ERBB2: variants seen among roughly 807,000 people sequenced by gnomAD.
The protein encoded by ERBB2 is receptor tyrosine-protein kinase erbB-2.
ERBB2 carries 61 observed loss-of-function variants against 149.0 expected under a neutral mutation model. That is an observed-to-expected ratio of 0.41 (90% CI 0.33 to 0.51). The LOEUF (loss-of-function observed/expected upper bound fraction) is 0.51. ERBB2 is among the 20% of genes least tolerant of loss of function. The pLI, the probability that ERBB2 is intolerant of heterozygous loss-of-function variation, is 0.25. For missense variants in ERBB2, 1,205 were observed against 1,655.1 expected (o/e 0.73, Z 4.72); for synonymous variants, 633 against 678.8 (o/e 0.93, Z 1.05).
chr17:39,702,259 A>G (rs2058154285), intron 1 of ERBB2, among the ~76,000 whole-genome samples: 1 of 152,178 alleles, frequency 6.6e-6, no homozygotes, highest in South Asian at 2.1e-4. Context: ...TGTGATTGCA[A>G]ATGCTCTCCA....
At chr17:39,688,211 G>C (rs1333619783) in exon 1 of ERBB2, 1 of 438,292 alleles carries the variant, frequency 2.3e-6, no homozygotes, top group Non-Finnish European at 3.8e-6. Context: ...AGGCGATAGG[G>C]TTAAGGGAAG....
At chr17:39,716,066 C>T in intron 12 of ERBB2, 127 bp downstream of exon 12, 1 of 1,118,862 alleles carries the variant, frequency 8.9e-7, no homozygotes, top group East Asian at 2.6e-5. Context: ...CTTGACTCAG[C>T]ACAGCTCTGG....
intron 15 of ERBB2, 108 bp downstream of exon 15, chr17:39,717,588 C>A: frequency 1.1e-6 from 1 of 905,996 alleles, no homozygotes; most frequent in Non-Finnish European, 1.6e-6. Flanking sequence ...TATCTTGTTT[C>A]TGATGACAAA....
chr17:39,708,093 A>C, intron 2 of ERBB2: 1 of 480,320 alleles, frequency 2.1e-6, no homozygotes, highest in South Asian at 3.7e-5. Context: ...ACCTGTTCGG[A>C]GTTTATGAAA....
rs2058593663 is a variant in ERBB2 at position 39,708,443 on chromosome 17, G to A, written c.348G>A (p.Val116=). 6.2e-7 allele frequency: 1 copy of A among 1,614,236 alleles called. No homozygotes were observed. The highest frequency in any genetic ancestry group is 8.5e-7 in the Non-Finnish European group (1 of 1,180,030). Residue 116 remains valine, a synonymous_variant, in exon 3 of 27, where the codon GTG becomes GTA. Coordinates refer to ENST00000269571, the MANE Select transcript of ERBB2 (RefSeq NM_004448.4). ...QLFEDNYALA[V]LDNGDPLNNT... Reference sequence around the variant, plus strand: ...TTGAGGACAACTATGCCCTGGCCGTGCTAGACAATGGAGACCCGCTGAACA... The same window carrying A: ...TTGAGGACAACTATGCCCTGGCCGTACTAGACAATGGAGACCCGCTGAACA...
At position 39,727,485 on chromosome 17, in the gene ERBB2, C is replaced by A. The variant is rs2143253741; in HGVS notation, c.3350C>A (p.Thr1117Lys). The change falls in exon 26 of 27, where the codon ACA (threonine) becomes AAA (lysine). Residue 1117 changes from threonine to lysine, a missense_variant. By Grantham distance (78) the Thr-to-Lys change is moderately conservative. Transcript: ENST00000269571. The surrounding 1 kb of genome is among the most constrained non-coding windows in gnomAD (Gnocchi z 4.3). ...SPLQRYSEDP[T>K]VPLPSETDGY... ...CTACAGCGGTACAGTGAGGACCCCA[C>A]AGTACCCCTGCCCTCTGAGACTGAT... 6.2e-7 allele frequency: 1 copy of A among 1,606,144 alleles called. No individual in the cohort carries two copies. Among genetic ancestry groups the A allele is most frequent in the Non-Finnish European group, 8.5e-7 (1 of 1,177,790 alleles).
upstream of ERBB2, chr17:39,700,031 G>T: frequency 1.6e-6 from 2 of 1,264,642 alleles, no homozygotes; most frequent in Non-Finnish European, 2.0e-6. Flanking sequence ...GCTGCTTGAG[G>T]AAGTATAAGA....
rs781070018 is a variant in ERBB2 at position 39,725,766 on chromosome 17, C to G, written c.2785C>G (p.Arg929Gly). 6.2e-7 allele frequency: 1 copy of G among 1,613,618 alleles called. No individual in the cohort carries two copies. The highest frequency in any genetic ancestry group is 8.5e-7 in the Non-Finnish European group (1 of 1,179,832). Residue 929 changes from arginine (R) to glycine (G), a missense_variant, in exon 23 of 27, where the codon CGG becomes GGG. By Grantham distance (125) the Arg-to-Gly change is moderately radical (BLOSUM62 -2). Around this residue, in one of 6 missense-constraint regions of ERBB2, gnomAD observed 63 missense variants for 74.2 expected, o/e 0.85. Transcript: ENST00000269571. This position sits in a 1 kb window ranked among gnomAD's most constrained non-coding sequence, Gnocchi z 4.6. Reference sequence around the variant, plus strand: ...CAAACCTTACGATGGGATCCCAGCCCGGGAGATCCCTGACCTGCTGGAAAA... The same window carrying G: ...CAAACCTTACGATGGGATCCCAGCCGGGGAGATCCCTGACCTGCTGGAAAA... ...GAKPYDGIPA[R>G]EIPDLLEKGE...
rs193171026 is a variant in ERBB2 at position 39,700,281 on chromosome 17, C to A, written c.43C>A (p.Leu15Ile). ...GTGCCGCTGGGGGCTCCTCCTCGCC[C>A]TCTTGCCCCCCGGAGCCGCGAGCAC... ...ALCRWGLLLA[L>I]LPPGAASTQV... The change falls in exon 1 of 27, where the codon CTC (leucine) becomes ATC (isoleucine). Residue 15 changes from leucine (L) to isoleucine (I), a missense_variant. This residue lies in a region of ERBB2 where 101 missense variants were observed against 95.1 expected (regional missense o/e 1.06). Coordinates refer to ENST00000269571, the MANE Select transcript of ERBB2 (RefSeq NM_004448.4). 7.0e-7 allele frequency: 1 copy of A among 1,432,760 alleles called. No individual in the cohort carries two copies. The highest frequency in any genetic ancestry group is 1.4e-5 in the South Asian group (1 of 69,884). The allele number at this position is 1,432,760 out of a possible 1,614,324, so 88.8% of individuals were successfully genotyped here.
chr17:39,700,333 GA>G, intron 1 of ERBB2, 22 bp downstream of exon 1: 1 of 1,358,764 alleles, frequency 7.4e-7, no homozygotes, highest in Non-Finnish European at 9.5e-7. Context: ...GTGGGGAGGG[GA>G]CGGAGCAGCG....
At chr17:39,722,098 A>G (rs2059485184) in intron 16 of ERBB2, among the ~76,000 whole-genome samples, 1 of 152,068 alleles carries the variant, frequency 6.6e-6, no homozygotes, top group Middle Eastern at 3.4e-3. Context: ...TTGTATTTTT[A>G]GTAGAGACGG....
intron 1 of ERBB2, among the ~76,000 whole-genome samples, chr17:39,702,357 G>A (rs2058162533): frequency 6.6e-6 from 1 of 152,196 alleles, no homozygotes; most frequent in Non-Finnish European, 1.5e-5. Flanking sequence ...AAGGGGTGAG[G>A]TCTGGGGCAG....
At chr17:39,724,956 A>G (rs1374119450) in intron 20 of ERBB2, 45 bp downstream of exon 20, 5 of 1,607,036 alleles carry the variant, frequency 3.1e-6, no homozygotes, top group South Asian at 2.2e-5. Flanking sequence ...GCAAACCCCT[A>G]TGTCCACAAG....
chr17:39,689,647 T>A (rs1414601009), intron 2 of ERBB2, among the ~76,000 whole-genome samples: 1 of 152,158 alleles, frequency 6.6e-6, no homozygotes, highest in Non-Finnish European at 1.5e-5. Flanking sequence ...GGCTCACGCC[T>A]GTAATCCCAG....
At chr17:39,691,934 C>T (rs2904764), upstream of ERBB2, among the ~76,000 whole-genome samples, 762 of 120,210 alleles carry the variant, frequency 6.3e-3, 9 homozygotes, top group African/African-American at 0.019. Flanking sequence ...TATACATATA[C>T]ATATATATAT....
intron 12 of ERBB2, 178 bp from the exon 13 acceptor site, chr17:39,716,123 C>T: frequency 1.0e-6 from 1 of 957,810 alleles, no homozygotes; most frequent in East Asian, 2.6e-5. Context: ...TCCTACCTGC[C>T]TTGGCATCCT....
In ERBB2 at chr17:39,725,540, G is replaced by A. The variant is rs181599726; in HGVS notation, c.2725+138G>A. The stretch of plus-strand genomic sequence containing the variant: ...GGGCTGCCTGTGCCCCACCTTGCAG[G>A]GTCTGTGCACTTCCCAGGATTAGGG... On this transcript the variant is annotated intron_variant, in intron 22 of 26. Transcript: ENST00000269571. The surrounding 1 kb of genome is among the most constrained non-coding windows in gnomAD (Gnocchi z 4.6). 6,928 of 1,206,094 alleles carry A rather than the reference G, an allele frequency of 5.7e-3. 25 individuals are homozygous for A. Among genetic ancestry groups the A allele is most frequent in the Non-Finnish European group, 7.1e-3 (5,968 of 843,028 alleles). The allele number at this position is 1,206,094 out of a possible 1,614,324, so 74.7% of individuals were successfully genotyped here.
Position 39,709,881 on chromosome 17 carries a change from C to G in ERBB2, c.643C>G (p.Leu215Val), listed in dbSNP as rs577260523. 1 of 1,613,116 alleles carries G rather than the reference C, an allele frequency of 6.2e-7. No homozygotes were observed. The highest frequency in any genetic ancestry group is 8.5e-7 in the Non-Finnish European group (1 of 1,179,794). ...AGAGAGTTCTGAGGATTGTCAGAGCCGTGAGTCTCAGGGAGGCCTGGAGTC... is the reference window on the plus strand; with the variant it reads ...AGAGAGTTCTGAGGATTGTCAGAGCGGTGAGTCTCAGGGAGGCCTGGAGTC... ...WGESSEDCQS[L>V]TRTVCAGGCA... The change falls in exon 5 of 27, where the codon CTG (leucine) becomes GTG (valine). Residue 215 changes from leucine to valine, a missense_variant and splice_region_variant. By Grantham distance (32) the Leu-to-Val change is conservative. Transcript: ENST00000269571.
In ERBB2 at chr17:39,726,563, T is replaced by C. The variant is rs775663547; in HGVS notation, c.2874T>C (p.Cys958=). The C allele has an allele frequency of 5.6e-6, 9 of 1,613,890 alleles. No homozygotes were observed. The highest frequency in any genetic ancestry group is 7.6e-6 in the Non-Finnish European group (9 of 1,179,828). The change falls in exon 24 of 27, where the codon TGT becomes TGC. Residue 958 remains cysteine, a splice_region_variant and synonymous_variant. Transcript: ENST00000269571. The surrounding 1 kb of genome is among the most constrained non-coding windows in gnomAD (Gnocchi z 5.1). ...TIDVYMIMVK[C]WMIDSECRPR... ...ATGCTGACCTCCCTCCTGCCCCAGG[T>C]TGGATGATTGACTCTGAATGTCGGC... is the stretch of plus-strand genomic sequence containing the variant.
Sources: allele counts gnomAD v4.1 joint callset (sites outside exome capture counted in the v4.1 genomes callset), GRCh38; gene constraint gnomAD v4.1.1; regional missense constraint gnomAD v4.1.1; non-coding constraint Gnocchi (gnomAD v3.1); transcripts MANE v1.5; gene names NCBI Gene and HGNC (gene_info 2026-07-23, HGNC 2026-07-21).